Variants in GPC6 observed in about 807,000 individuals in gnomAD.
The protein encoded by GPC6 is glypican-6.
In GPC6, 14 loss-of-function variants were observed where a neutral mutation model predicts 55.2. The observed-to-expected ratio is 0.25, with a 90% CI of 0.17 to 0.40. GPC6 has a LOEUF of 0.40. Ranked by LOEUF, GPC6 falls within the 10% of genes least tolerant of loss-of-function variation. The pLI, the probability that GPC6 is intolerant of heterozygous loss-of-function variation, is 1.00. For synonymous variants in GPC6, 278 were observed against 259.6 expected (o/e 1.07, Z -0.68); for missense variants, 641 against 708.5 (o/e 0.90, Z 1.08).
intron 6 of GPC6, among the ~76,000 whole-genome samples, chr13:94,320,963 A>T (rs1306238500): frequency 3.9e-5 from 6 of 152,204 alleles, no homozygotes; most frequent in Non-Finnish European, 8.8e-5. Context: ...GGTTTGTTAT[A>T]TAGGTAAATT....
chr13:93,316,903 T>A (rs570058373), intron 1 of GPC6, among the ~76,000 whole-genome samples: 4 of 152,230 alleles, frequency 2.6e-5, no homozygotes, highest in African/African-American at 9.6e-5. Flanking sequence ...TTTCATTTAA[T>A]TTCTGTAGCA....
chr13:93,805,968 C>T (rs531992497), intron 2 of GPC6, among the ~76,000 whole-genome samples: 9 of 152,292 alleles, frequency 5.9e-5, no homozygotes, highest in South Asian at 2.1e-4. Context: ...ATTTGAGTCT[C>T]GTCAGTCATT....
At chr13:94,398,383 T>A in intron 7 of GPC6, 83 bp from the exon 8 acceptor site, 2 of 1,028,780 alleles carry the variant, frequency 1.9e-6, no homozygotes, top group Non-Finnish European at 3.1e-6. Flanking sequence ...TCAGAGACAG[T>A]CATCTGGTTT....
chr13:94,354,228 T>C (rs1749939700), intron 6 of GPC6, among the ~76,000 whole-genome samples: 1 of 152,152 alleles, frequency 6.6e-6, no homozygotes, highest in African/African-American at 2.4e-5. Flanking sequence ...CACATCAGTC[T>C]TTATGTAAGA....
intron 4 of GPC6, among the ~76,000 whole-genome samples, chr13:94,030,107 A>G (rs138886735): frequency 0.026 from 3,901 of 149,200 alleles, 65 homozygotes; most frequent in Non-Finnish European, 0.039. Flanking sequence ...GGTTCATGCC[A>G]TTCTCCTGTC....
At chr13:93,503,173 G>GTACA (rs80237921) in intron 1 of GPC6, among the ~76,000 whole-genome samples, 16,682 of 152,052 alleles carry the variant, frequency 0.11, 1,342 homozygotes, top group East Asian at 0.47. Flanking sequence ...CTCATTTAAT[G>GTACA]TGCACCCATT....
chr13:93,802,232 A>AT (rs898089887), intron 2 of GPC6, among the ~76,000 whole-genome samples: 43 of 151,782 alleles, frequency 2.8e-4, no homozygotes, highest in Non-Finnish European at 5.6e-4. Context: ...AAATATGGCA[A>AT]TTTTTTTCCT....
chr13:93,707,690 C>T (rs534382067), intron 2 of GPC6, among the ~76,000 whole-genome samples: 2 of 151,786 alleles, frequency 1.3e-5, no homozygotes, highest in Admixed American at 6.6e-5. Context: ...ATAGTGGAGA[C>T]CTTTCTTTTA....
intron 3 of GPC6, among the ~76,000 whole-genome samples, chr13:93,942,702 C>G (rs2140364587): frequency 6.6e-6 from 1 of 152,278 alleles, no homozygotes; most frequent in East Asian, 1.9e-4. Context: ...CAGTCCAGCT[C>G]ATTCTCAAGA....
chr13:93,636,932 T>G (rs1364565175), intron 2 of GPC6, among the ~76,000 whole-genome samples: 2 of 151,984 alleles, frequency 1.3e-5, no homozygotes, highest in African/African-American at 2.4e-5. Context: ...GTATAGTTTT[T>G]TTTTTTTTTT....
chr13:94,331,235 C>T (rs1877399556), intron 6 of GPC6, among the ~76,000 whole-genome samples: 1 of 152,156 alleles, frequency 6.6e-6, no homozygotes, highest in African/African-American at 2.4e-5. Context: ...TATTGGAACA[C>T]AGCCCTGCTC....
intron 3 of GPC6, among the ~76,000 whole-genome samples, chr13:93,882,755 T>A (rs1276326951): frequency 6.6e-6 from 1 of 152,042 alleles, no homozygotes; most frequent in East Asian, 1.9e-4. Context: ...ATGAAAGCCC[T>A]GTTCTGTCTT....
chr13:93,713,543 CA>C (rs1336206347), intron 2 of GPC6, among the ~76,000 whole-genome samples: 1 of 151,672 alleles, frequency 6.6e-6, no homozygotes, highest in Non-Finnish European at 1.5e-5. Context: ...TGCTGTCACC[CA>C]GGCTGGAGTG....
At chr13:94,031,041 C>T (rs542511818) in intron 4 of GPC6, among the ~76,000 whole-genome samples, 22 of 149,608 alleles carry the variant, frequency 1.5e-4, no homozygotes, top group South Asian at 8.5e-4. Context: ...TGCGTGTGTG[C>T]GTTTGTGCGT....
chr13:93,456,042 G>T (rs746066679), intron 1 of GPC6, among the ~76,000 whole-genome samples: 5 of 152,180 alleles, frequency 3.3e-5, no homozygotes, highest in Non-Finnish European at 7.3e-5. Flanking sequence ...ATCTCAGGGA[G>T]CCAGCTTTGT....
chr13:93,393,507 A>G (rs1458359295), intron 1 of GPC6, among the ~76,000 whole-genome samples: 6 of 152,136 alleles, frequency 3.9e-5, no homozygotes, highest in Non-Finnish European at 8.8e-5. Flanking sequence ...CAAGTATTTT[A>G]GTAATACAAC....
At chr13:94,195,491 A>G (rs1389780698) in intron 4 of GPC6, among the ~76,000 whole-genome samples, 1 of 152,226 alleles carries the variant, frequency 6.6e-6, no homozygotes, top group Non-Finnish European at 1.5e-5. Context: ...GATTTTCCTT[A>G]CATAGGAGTC....
chr13:93,905,499 C>T (rs553073634), intron 3 of GPC6, among the ~76,000 whole-genome samples: 3 of 152,084 alleles, frequency 2.0e-5, no homozygotes, highest in Non-Finnish European at 4.4e-5. Context: ...TCTTAGAAAC[C>T]ACACCTTTCT....
At chr13:93,502,683 A>C (rs1391356587) in intron 1 of GPC6, among the ~76,000 whole-genome samples, 1 of 152,108 alleles carries the variant, frequency 6.6e-6, no homozygotes, top group Non-Finnish European at 1.5e-5. Flanking sequence ...GTATGTTATA[A>C]CGTTTTTCTG....
Sources: gnomAD v4.1 joint callset for allele counts (sites outside exome capture counted in the v4.1 genomes callset) on GRCh38, gnomAD v4.1.1 for gene constraint, MANE v1.5 for transcripts, NCBI Gene and HGNC (gene_info 2026-07-23, HGNC 2026-07-21) for gene names.